Variants in CATSPERB observed in about 807,000 individuals in gnomAD.
CATSPERB encodes the protein catsper channel auxiliary subunit beta.
In CATSPERB, 93 loss-of-function variants were observed where a neutral mutation model predicts 128.3. The observed-to-expected ratio is 0.72, with a 90% CI of 0.61 to 0.86. CATSPERB has a LOEUF of 0.86. CATSPERB is among the 40% of genes least tolerant of loss of function. The pLI, the probability that CATSPERB is intolerant of heterozygous loss-of-function variation, is 0.00. For synonymous variants in CATSPERB, 381 were observed against 448.8 expected (o/e 0.85, Z 1.91); for missense variants, 1,153 against 1,329.5 (o/e 0.87, Z 2.06).
intron 17 of CATSPERB, 118 bp downstream of exon 17, chr14:91,636,307 G>C: frequency 1.2e-6 from 1 of 850,910 alleles, no homozygotes; most frequent in Admixed American, 2.2e-5. Context: ...AGGCTGCAGT[G>C]AGCTGTCATC....
At chr14:91,679,828 G>T (rs951240994) in intron 11 of CATSPERB, among the ~76,000 whole-genome samples, 2 of 152,124 alleles carry the variant, frequency 1.3e-5, no homozygotes, top group African/African-American at 2.4e-5. Flanking sequence ...TTCCAGTCAG[G>T]TCATAGACTC....
At chr14:91,669,677 A>T in intron 14 of CATSPERB, 137 bp downstream of exon 14, 1 of 798,698 alleles carries the variant, frequency 1.3e-6, no homozygotes, top group East Asian at 3.0e-5. Context: ...TACAATAAAT[A>T]GTCAATAAAT....
At chr14:91,673,983 A>G (rs187725266) in intron 12 of CATSPERB, among the ~76,000 whole-genome samples, 193 bp downstream of exon 12, 318 of 152,238 alleles carry the variant, frequency 2.1e-3, no homozygotes, top group Middle Eastern at 0.014. Context: ...GTTTTTCTAG[A>G]ACCATTGCTT....
At chr14:91,708,843 A>G (rs925228548) in intron 5 of CATSPERB, among the ~76,000 whole-genome samples, 2 of 152,242 alleles carry the variant, frequency 1.3e-5, no homozygotes, top group African/African-American at 4.8e-5. Context: ...TCAAGATTAA[A>G]CTATATGTTA....
chr14:91,626,042 T>C (rs1894154352), intron 17 of CATSPERB, among the ~76,000 whole-genome samples: 1 of 152,152 alleles, frequency 6.6e-6, no homozygotes, highest in African/African-American at 2.4e-5. Flanking sequence ...GTGGGATCAC[T>C]TGAGCCTGTG....
intron 15 of CATSPERB, among the ~76,000 whole-genome samples, chr14:91,659,238 T>C (rs1386255155): frequency 1.3e-5 from 2 of 152,234 alleles, no homozygotes; most frequent in African/African-American, 4.8e-5. Flanking sequence ...CCTGATCTGA[T>C]CACTCTACAT....
chr14:91,730,319 AG>A (rs1210141367), intron 1 of CATSPERB, among the ~76,000 whole-genome samples: 1 of 152,236 alleles, frequency 6.6e-6, no homozygotes, highest in Non-Finnish European at 1.5e-5. Flanking sequence ...GGGAAGACAC[AG>A]GAAGAAGACA....
At chr14:91,592,863 T>C (rs923831219) in intron 22 of CATSPERB, among the ~76,000 whole-genome samples, 52 of 152,240 alleles carry the variant, frequency 3.4e-4, no homozygotes, top group African/African-American at 1.2e-3. Context: ...TGGCAGCCCC[T>C]CCCATCAAAG....
chr14:91,666,615 C>A (rs1300071078), intron 14 of CATSPERB, among the ~76,000 whole-genome samples: 1 of 152,188 alleles, frequency 6.6e-6, no homozygotes, highest in African/African-American at 2.4e-5. Flanking sequence ...TCTGGCTTCA[C>A]TGTTTAAGGG....
At chr14:91,729,231 C>T (rs901150144) in intron 2 of CATSPERB, among the ~76,000 whole-genome samples, 170 bp downstream of exon 2, 6 of 151,860 alleles carry the variant, frequency 4.0e-5, no homozygotes, top group African/African-American at 1.5e-4. Context: ...CCCAGGTACT[C>T]GGGATATTAG....
rs1484731138 is a variant in CATSPERB at position 91,659,908 on chromosome 14, G to A, written c.1361C>T (p.Thr454Ile). The A allele has an allele frequency of 6.2e-7, 1 of 1,603,284 alleles. No individual in the cohort carries two copies. Among genetic ancestry groups the A allele is most frequent in the Non-Finnish European group, 8.5e-7 (1 of 1,176,958 alleles). Residue 454 changes from threonine to isoleucine, a missense_variant, in exon 15 of 27, where the codon ACT becomes ATT. Transcript: ENST00000256343. ...AGCTGATGTATAAAAACTATGAAAA[G>A]TCTTCTTTATGATATCATCATGAAA... ...ANFHDDIIKKTFHSFYTSAIT... is the reference protein window; with the variant it reads ...ANFHDDIIKKIFHSFYTSAIT...
rs146788838 is a variant in CATSPERB, at chr14:91,705,978, C to T, written c.467-1277G>A. ...GAAAAAAATGAGAAAAAAAAGAGTA[C>T]AAAAAGTAAGCCAGGGCAATTTGAA... On this transcript the variant is annotated intron_variant, in intron 6 of 26. Transcript: ENST00000256343. Among the ~76,000 whole-genome samples the T allele has an allele frequency of 5.9e-4, 89 of 151,702 alleles. 1 individual carries two copies. The East Asian group carries it at 0.017, about 29-fold the overall frequency.
At chr14:91,629,582 T>C (rs1365057019) in intron 17 of CATSPERB, among the ~76,000 whole-genome samples, 1 of 152,164 alleles carries the variant, frequency 6.6e-6, no homozygotes, top group Non-Finnish European at 1.5e-5. Flanking sequence ...CACTTTGGTG[T>C]GGGATGTGGA....
chr14:91,689,684 T>C (rs1001808766), intron 10 of CATSPERB, among the ~76,000 whole-genome samples: 1 of 152,192 alleles, frequency 6.6e-6, no homozygotes, highest in African/African-American at 2.4e-5. Context: ...TTCTTCCTTT[T>C]TGTAGAATAG....
At chr14:91,654,886 C>G (rs1894762117) in intron 15 of CATSPERB, among the ~76,000 whole-genome samples, 1 of 152,140 alleles carries the variant, frequency 6.6e-6, no homozygotes, top group South Asian at 2.1e-4. Flanking sequence ...CCTCCCCTAG[C>G]TCCAGGCAGC....
At chr14:91,683,832 T>C (rs1219427146) in intron 11 of CATSPERB, 45 bp downstream of exon 11, 2 of 1,161,052 alleles carry the variant, frequency 1.7e-6, no homozygotes, top group Middle Eastern at 2.3e-4. Flanking sequence ...GTTACACATA[T>C]ATGTAAAAGT....
intron 20 of CATSPERB, among the ~76,000 whole-genome samples, chr14:91,612,858 G>A (rs529858268): frequency 6.6e-6 from 1 of 152,260 alleles, no homozygotes; most frequent in African/African-American, 2.4e-5. Context: ...GAAAAATCTG[G>A]AATGTTGGAA....
At chr14:91,583,219 C>A (rs1308088391) in intron 26 of CATSPERB, among the ~76,000 whole-genome samples, 2 of 152,190 alleles carry the variant, frequency 1.3e-5, no homozygotes, top group African/African-American at 2.4e-5. Flanking sequence ...GAGATTGAGA[C>A]CATCCTGGCT....
At chr14:91,624,294 C>A (rs1894111208) in intron 18 of CATSPERB, among the ~76,000 whole-genome samples, 2 of 152,182 alleles carry the variant, frequency 1.3e-5, no homozygotes, top group African/African-American at 4.8e-5. Context: ...GCAGCCTGGG[C>A]AACATGGTGA....
Sources: gnomAD v4.1 joint callset for allele counts (sites outside exome capture counted in the v4.1 genomes callset) on GRCh38, gnomAD v4.1.1 for gene constraint, MANE v1.5 for transcripts, NCBI Gene and HGNC (gene_info 2026-07-23, HGNC 2026-07-21) for gene names.